Variants in RANBP2 observed in about 807,000 individuals in gnomAD.
RANBP2 encodes the protein E3 SUMO-protein ligase RanBP2.
RANBP2 carries 57 observed loss-of-function variants against 303.6 expected under a neutral mutation model. The ratio of observed to expected loss-of-function variants is 0.19; its 90% CI spans 0.15 to 0.23. The LOEUF is 0.23. Ranked by LOEUF, RANBP2 falls within the 10% of genes least tolerant of loss-of-function variation. The pLI is 1.00. For missense variants in RANBP2, 3,138 were observed against 3,780.8 expected (o/e 0.83, Z 4.46); for synonymous variants, 1,167 against 1,301.5 (o/e 0.90, Z 2.23).
the RANBP2 span, among the ~76,000 whole-genome samples, chr2:109,034,137 G>A: frequency 3.3e-5 from 5 of 151,500 alleles, no homozygotes; most frequent in African/African-American, 1.2e-4. Flanking sequence ...GGGTGTGGTG[G>A]CAGGCACCTA....
chr2:109,515,107 C>T, the RANBP2 span, among the ~76,000 whole-genome samples: 13 of 152,182 alleles, frequency 8.5e-5, no homozygotes, highest in Non-Finnish European at 1.3e-4. Flanking sequence ...TAGGGTTTAC[C>T]GCACATGCTG....
the RANBP2 span, among the ~76,000 whole-genome samples, chr2:109,572,895 A>G: frequency 6.6e-6 from 1 of 152,188 alleles, no homozygotes; most frequent in Non-Finnish European, 1.5e-5. Context: ...GATTACAGGC[A>G]TGAGCAACCA....
the RANBP2 span, among the ~76,000 whole-genome samples, chr2:109,691,931 C>T: frequency 5.1e-4 from 78 of 152,094 alleles, 1 homozygote; most frequent in South Asian, 2.1e-3. Context: ...TACAGGCGCC[C>T]GCCACCGTGC....
the RANBP2 span, chr2:109,553,352 C>A: frequency 1.3e-6 from 1 of 775,234 alleles, no homozygotes; most frequent in East Asian, 2.7e-5. Context: ...CAAGACCAGC[C>A]TGGCCAACAT....
At chr2:109,308,351 A>C in the RANBP2 span, among the ~76,000 whole-genome samples, 1 of 107,486 alleles carries the variant, frequency 9.3e-6, no homozygotes, top group South Asian at 3.2e-4. Context: ...AGGTTGCGAA[A>C]ATTTTCTCCC....
chr2:108,759,561 T>C (rs1451471132), intron 18 of RANBP2, among the ~76,000 whole-genome samples: 14 of 152,168 alleles, frequency 9.2e-5, no homozygotes, highest in Non-Finnish European at 1.9e-4. Flanking sequence ...ATTTGTGTGA[T>C]GGTTCATATA....
the RANBP2 span, among the ~76,000 whole-genome samples, chr2:109,010,595 G>A: frequency 6.6e-6 from 1 of 152,146 alleles, no homozygotes; most frequent in Non-Finnish European, 1.5e-5. Flanking sequence ...TCACGTGGTG[G>A]CGAGAGGGAG....
the RANBP2 span, among the ~76,000 whole-genome samples, chr2:109,145,744 C>T: frequency 3.5e-4 from 53 of 152,332 alleles, no homozygotes; most frequent in Non-Finnish European, 6.6e-4. Context: ...AGCCTCCCCA[C>T]CCGTGTGAAA....
the RANBP2 span, among the ~76,000 whole-genome samples, chr2:109,701,501 G>A: frequency 2.0e-5 from 3 of 152,184 alleles, no homozygotes; most frequent in Non-Finnish European, 2.9e-5. Context: ...GTAGACAAGA[G>A]ACAAAAGGTT....
chr2:109,128,998 G>A, the RANBP2 span: 2 of 425,864 alleles, frequency 4.7e-6, no homozygotes, highest in South Asian at 3.3e-5. Context: ...GCTCGCGGCC[G>A]AGGAAGAGGA....
chr2:109,705,792 C>T, the RANBP2 span, among the ~76,000 whole-genome samples: 1 of 152,198 alleles, frequency 6.6e-6, no homozygotes, highest in Admixed American at 6.5e-5. Flanking sequence ...TGGACTCTTA[C>T]AAGAATGGAG....
the RANBP2 span, among the ~76,000 whole-genome samples, chr2:109,534,278 C>G: frequency 0.14 from 21,647 of 152,084 alleles, 2,178 homozygotes; most frequent in African/African-American, 0.29. Flanking sequence ...TCTCATCTAG[C>G]TCTGCCACTG....
chr2:109,108,394 T>C, the RANBP2 span, among the ~76,000 whole-genome samples: 1 of 152,210 alleles, frequency 6.6e-6, no homozygotes, highest in Admixed American at 6.5e-5. Context: ...GGTGAACACA[T>C]AGTTCATCAT....
At chr2:109,521,034 G>A in the RANBP2 span, among the ~76,000 whole-genome samples, 1 of 150,986 alleles carries the variant, frequency 6.6e-6, no homozygotes, top group East Asian at 2.0e-4. Flanking sequence ...TCGAGACCAC[G>A]GTGAAACCCC....
At chr2:109,166,413 G>T in the RANBP2 span, among the ~76,000 whole-genome samples, 1 of 151,236 alleles carries the variant, frequency 6.6e-6, no homozygotes, top group Non-Finnish European at 1.5e-5. Context: ...GGAGGCGGAG[G>T]TTGTGGTGAG....
chr2:108,732,027 T>C (rs917682441), intron 4 of RANBP2: 3 of 153,264 alleles, frequency 2.0e-5, no homozygotes, highest in African/African-American at 7.3e-5. Flanking sequence ...ACTAAGTAAC[T>C]GTTCTGGAGA....
chr2:109,148,022 A>G, the RANBP2 span, among the ~76,000 whole-genome samples: 1 of 152,158 alleles, frequency 6.6e-6, no homozygotes. Context: ...ATCATGGACA[A>G]GGTCAGTCGG....
At chr2:109,653,672 A>G in the RANBP2 span, among the ~76,000 whole-genome samples, 1 of 152,158 alleles carries the variant, frequency 6.6e-6, no homozygotes, top group South Asian at 2.1e-4. Flanking sequence ...GGTGGTGGGT[A>G]AGCGGGTCAC....
the RANBP2 span, among the ~76,000 whole-genome samples, chr2:109,498,873 G>A: frequency 7.2e-5 from 11 of 152,198 alleles, no homozygotes; most frequent in African/African-American, 1.4e-4. Flanking sequence ...AGGGAAGGGC[G>A]TTCTGGGCAG....
Sources: gnomAD v4.1 joint callset for allele counts (sites outside exome capture counted in the v4.1 genomes callset) on GRCh38, gnomAD v4.1.1 for gene constraint, MANE v1.5 for transcripts, NCBI Gene and HGNC (gene_info 2026-07-23, HGNC 2026-07-21) for gene names.